Variants in RELN observed in about 807,000 individuals in gnomAD.
The protein encoded by RELN is reelin.
RELN carries 108 observed loss-of-function variants against 427.6 expected under a neutral mutation model. That is an observed-to-expected ratio of 0.25 (90% CI 0.22 to 0.30). RELN has a LOEUF of 0.30. Among genes scored for constraint, RELN ranks in the 10% least tolerant of loss-of-function variants. RELN has a pLI of 1.00. For synonymous variants in RELN, 1,524 were observed against 1,513.4 expected, an observed-to-expected ratio of 1.01 and a Z score of -0.16; for missense variants, 3,715 against 4,302.8, an observed-to-expected ratio of 0.86 and a Z score of 3.82.
chr7:103,947,867 T>G (rs1272897037), intron 1 of RELN, among the ~76,000 whole-genome samples: 1 of 152,232 alleles, frequency 6.6e-6, no homozygotes, highest in Non-Finnish European at 1.5e-5. Context: ...ATAGTTGCAA[T>G]GGCATTTGTT....
intron 28 of RELN, among the ~76,000 whole-genome samples, chr7:103,581,421 C>G (rs1831126864): frequency 1.3e-5 from 2 of 152,048 alleles, no homozygotes; most frequent in African/African-American, 4.8e-5. Context: ...GTCTAGAGAT[C>G]AAGGACCCAC....
At position 103,515,244 on chromosome 7, in the gene RELN, G is replaced by T. The variant is rs758315997; in HGVS notation, c.8060C>A (p.Ala2687Glu). Residue 2687 changes from alanine (A) to glutamate (E), a missense_variant, in exon 50 of 65, where the codon GCA becomes GAA. Ala to Glu is a moderately radical substitution (Grantham distance 107, BLOSUM62 -1). This residue lies in a region of RELN where 1,310 missense variants were observed against 1,643.0 expected (regional missense o/e 0.80). Coordinates refer to ENST00000428762, the MANE Select transcript of RELN (RefSeq NM_005045.4). Reference sequence around the variant, plus strand: ...GATCCTCCCGACAGGGCCGGCATCTGCAGGGGAGCGCTCATGCTGGGGTAC... The same window carrying T: ...GATCCTCCCGACAGGGCCGGCATCTTCAGGGGAGCGCTCATGCTGGGGTAC... Reference protein sequence around the residue: ...APVPQHERSPADAGPVGRIAF... With the variant: ...APVPQHERSPEDAGPVGRIAF... 1 of 1,614,206 alleles carries T rather than the reference G, an allele frequency of 6.2e-7. No homozygotes were observed. The highest frequency in any genetic ancestry group is 8.5e-7 in the Non-Finnish European group (1 of 1,180,036).
At chr7:103,703,064 C>A (rs1834126596) in intron 8 of RELN, among the ~76,000 whole-genome samples, 3 of 152,086 alleles carry the variant, frequency 2.0e-5, no homozygotes, top group Admixed American at 1.3e-4. Flanking sequence ...GAGGGGTGGA[C>A]AACTGGAAGA....
At chr7:103,661,599 T>G (rs560950128) in intron 11 of RELN, 72 bp from the exon 12 acceptor site, 6 of 1,391,586 alleles carry the variant, frequency 4.3e-6, no homozygotes, top group Middle Eastern at 2.0e-4. Context: ...TAACATTTAG[T>G]TTTTAGTGAG....
intron 43 of RELN, among the ~76,000 whole-genome samples, chr7:103,540,747 T>G (rs1473093700): frequency 6.6e-6 from 1 of 152,148 alleles, no homozygotes. Context: ...CTTTGGCTCT[T>G]CTATAAAAAG....
chr7:103,728,535 A>G (rs1400991468), intron 6 of RELN, among the ~76,000 whole-genome samples: 1 of 152,160 alleles, frequency 6.6e-6, no homozygotes, highest in African/African-American at 2.4e-5. Flanking sequence ...GATTATATAC[A>G]AAACACAGAA....
intron 49 of RELN, among the ~76,000 whole-genome samples, chr7:103,516,521 CG>C (rs1381705484): frequency 1.3e-5 from 2 of 152,070 alleles, no homozygotes; most frequent in Non-Finnish European, 2.9e-5. Flanking sequence ...CTCCTGACCT[CG>C]GGTGATCCAC....
At chr7:103,878,405 A>G (rs899464050) in intron 2 of RELN, among the ~76,000 whole-genome samples, 2 of 152,166 alleles carry the variant, frequency 1.3e-5, no homozygotes, top group Non-Finnish European at 2.9e-5. Context: ...TTTATCAATT[A>G]TTGGTGTTTA....
At chr7:103,981,062 C>T (rs898212725) in intron 1 of RELN, among the ~76,000 whole-genome samples, 7 of 152,178 alleles carry the variant, frequency 4.6e-5, no homozygotes, top group Non-Finnish European at 1.0e-4. Flanking sequence ...GAAGGTAAGA[C>T]TCAGATGTCT....
intron 12 of RELN, among the ~76,000 whole-genome samples, chr7:103,660,233 CT>C (rs1833109885): frequency 6.6e-6 from 1 of 151,854 alleles, no homozygotes; most frequent in Admixed American, 6.6e-5. Context: ...TTTATTACAA[CT>C]TTTTTGGAGG....
chr7:103,981,704 C>A (rs1378305634), intron 1 of RELN, among the ~76,000 whole-genome samples: 1 of 152,182 alleles, frequency 6.6e-6, no homozygotes, highest in African/African-American at 2.4e-5. Context: ...AAAGGAGGAC[C>A]CAGCTCCCTC....
intron 19 of RELN, among the ~76,000 whole-genome samples, chr7:103,630,862 T>TTG (rs1554394455): frequency 7.0e-6 from 1 of 143,864 alleles, no homozygotes; most frequent in Non-Finnish European, 1.5e-5. Context: ...TTTTTTTTGT[T>TTG]TTTTTTTTTT....
rs775042443 is a variant in RELN, at chr7:103,522,153, A to C, written c.7537T>G (p.Ser2513Ala). The C allele has an allele frequency of 1.9e-6, 3 of 1,614,040 alleles. No individual in the cohort carries two copies. Among genetic ancestry groups the C allele is most frequent in the Non-Finnish European group, 1.7e-6 (2 of 1,180,000 alleles). ...TTGTCTTTGAGTTGGGTTGGAAGAG[A>C]GGTCTCGGGGTCATCACAGTACAGG... is the stretch of plus-strand genomic sequence containing the variant. ...GGLYCDDPET[S>A]LPTQLKDNFN... Residue 2513 changes from serine to alanine, a missense_variant, in exon 48 of 65, where the codon TCT becomes GCT. Physicochemically the swap from Ser to Ala is moderately conservative, Grantham distance 99. Around this residue, in one of 4 missense-constraint regions of RELN, gnomAD observed 1,310 missense variants for 1,643.0 expected, o/e 0.80. Coordinates refer to ENST00000428762, the MANE Select transcript of RELN (RefSeq NM_005045.4).
chr7:103,605,598 T>C (rs1831799472), intron 22 of RELN, among the ~76,000 whole-genome samples: 1 of 152,198 alleles, frequency 6.6e-6, no homozygotes, highest in East Asian at 1.9e-4. Flanking sequence ...GTTCTTTTGG[T>C]CAAAGGGCTA....
chr7:103,850,552 C>A (rs1367840109), intron 2 of RELN, among the ~76,000 whole-genome samples: 2 of 152,114 alleles, frequency 1.3e-5, no homozygotes, highest in Non-Finnish European at 2.9e-5. Flanking sequence ...AGAAGGAATT[C>A]TCTAGCTGAA....
chr7:103,701,998 G>C (rs1002202546), intron 8 of RELN, among the ~76,000 whole-genome samples: 7 of 152,176 alleles, frequency 4.6e-5, no homozygotes, highest in Non-Finnish European at 1.0e-4. Context: ...AAACCAGTTA[G>C]TTTGTAATTG....
Position 103,744,086 on chromosome 7 carries a change from A to G in RELN, c.656+5340T>C, listed in dbSNP as rs570009249. The stretch of plus-strand genomic sequence containing the variant: ...GTCTCTCAGACCACAGTGCAATCAA[A>G]CTAGAACTCAGGATTAAGAAACTCA... On this transcript the variant is annotated intron_variant, in intron 6 of 64. Coordinates refer to ENST00000428762, the MANE Select transcript of RELN (RefSeq NM_005045.4). Among the ~76,000 whole-genome samples the G allele has an allele frequency of 1.1e-3, 168 of 152,256 alleles. 1 individual carries two copies. Among genetic ancestry groups the G allele is most frequent in the Middle Eastern group, 6.8e-3 (2 of 294 alleles).
chr7:103,750,124 T>G (rs914061906), intron 5 of RELN, among the ~76,000 whole-genome samples: 1 of 152,140 alleles, frequency 6.6e-6, no homozygotes, highest in African/African-American at 2.4e-5. Context: ...GGATTACAGG[T>G]GCCTACTACC....
chr7:103,905,128 G>A (rs1047528493), intron 2 of RELN, among the ~76,000 whole-genome samples: 2 of 151,880 alleles, frequency 1.3e-5, no homozygotes, highest in Non-Finnish European at 2.9e-5. Context: ...CTACAGACAT[G>A]TGCCACCACA....
Sources: gnomAD v4.1 joint callset for allele counts (sites outside exome capture counted in the v4.1 genomes callset) on GRCh38, gnomAD v4.1.1 for gene constraint, gnomAD v4.1.1 regional missense constraint, MANE v1.5 for transcripts, NCBI Gene and HGNC (gene_info 2026-07-23, HGNC 2026-07-21) for gene names.